Variants in ERICH1 observed in about 807,000 individuals in gnomAD.
ERICH1 encodes the protein glutamate-rich protein 1.
In ERICH1, 56 loss-of-function variants were observed where a neutral mutation model predicts 39.6. The observed-to-expected ratio is 1.41, with a 90% CI of 1.14 to 1.77. The LOEUF is 1.77. Ranked by LOEUF, ERICH1 falls within the 40% of genes most tolerant of loss-of-function variation. The probability of loss-of-function intolerance (pLI) is 0.00; values close to 1 mark genes in which losing one functional copy is unlikely to be tolerated. For synonymous variants in ERICH1, 313 were observed against 223.6 expected (o/e 1.40, Z -3.57); for missense variants, 826 against 575.4 (o/e 1.44, Z -4.45).
intron 1 of ERICH1, among the ~76,000 whole-genome samples, chr8:727,295 A>G (rs1818993337): frequency 6.6e-6 from 1 of 152,140 alleles, no homozygotes; most frequent in Admixed American, 6.5e-5. Context: ...ACACACAGAC[A>G]TCTCTCCCGG....
chr8:634,845 A>G (rs1207142846), intron 3 of ERICH1, among the ~76,000 whole-genome samples: 3 of 152,120 alleles, frequency 2.0e-5, no homozygotes, highest in Admixed American at 1.3e-4. Flanking sequence ...TTTGTCTCTT[A>G]AGAGTTTTGC....
chr8:625,010 G>A (rs1429137024), intron 3 of ERICH1, among the ~76,000 whole-genome samples: 1 of 152,180 alleles, frequency 6.6e-6, no homozygotes, highest in Non-Finnish European at 1.5e-5. Context: ...ACAGGCGTGA[G>A]CCACTGCACC....
At chr8:715,837 A>C (rs974558363) in intron 2 of ERICH1, 24 bp downstream of exon 2, 1 of 1,596,702 alleles carries the variant, frequency 6.3e-7, no homozygotes, top group Admixed American at 1.8e-5. Context: ...TCTGAGACCC[A>C]CCCACATCTG....
chr8:713,326 C>T (rs1359058895), intron 2 of ERICH1, among the ~76,000 whole-genome samples: 2 of 152,354 alleles, frequency 1.3e-5, no homozygotes, highest in Middle Eastern at 3.4e-3. Context: ...TAAGTATATT[C>T]TTTAAATGGC....
chr8:659,974 C>G (rs1801172788), downstream of ERICH1, among the ~76,000 whole-genome samples: 1 of 152,220 alleles, frequency 6.6e-6, no homozygotes, highest in Non-Finnish European at 1.5e-5. Flanking sequence ...CAATCCCTTA[C>G]AAGGATCCTG....
rs1391561636 is a variant in ERICH1 at position 671,500 on chromosome 8, T to C, written c.1063+1789A>G. 3.5e-3 allele frequency among the ~76,000 whole-genome samples: 484 copies of C among 140,026 alleles called. 5 individuals are homozygous for C. Among genetic ancestry groups the C allele is most frequent in the Non-Finnish European group, 6.0e-3 (386 of 64,704 alleles). 91.9% of individuals were successfully genotyped at this position (140,026 alleles called of 152,430 possible). ...CTGAACGTGCCAGCCCCGGTTCTAATGTCTGTGCTCACTGGGCTCCAGGCT... is the reference window on the plus strand; with the variant it reads ...CTGAACGTGCCAGCCCCGGTTCTAACGTCTGTGCTCACTGGGCTCCAGGCT... On this transcript the variant is annotated intron_variant, in intron 4 of 5. Transcript: ENST00000262109.
chr8:709,438 A>T (rs1175969315), intron 2 of ERICH1, among the ~76,000 whole-genome samples: 2 of 152,162 alleles, frequency 1.3e-5, no homozygotes, highest in Non-Finnish European at 2.9e-5. Flanking sequence ...CTGATTCTGT[A>T]TTGGCACCTC....
chr8:696,971 C>T (rs923443032), intron 2 of ERICH1, among the ~76,000 whole-genome samples: 1 of 151,586 alleles, frequency 6.6e-6, no homozygotes, highest in South Asian at 2.1e-4. Flanking sequence ...CAGCCTGCAC[C>T]TGTGCTTGCT....
At chr8:699,257 C>T (rs890666913) in intron 2 of ERICH1, among the ~76,000 whole-genome samples, 11 of 152,142 alleles carry the variant, frequency 7.2e-5, no homozygotes, top group African/African-American at 2.7e-4. Flanking sequence ...GTATTTCCCA[C>T]CTGCATGGAT....
chr8:682,388 G>A (rs549190131), intron 3 of ERICH1, among the ~76,000 whole-genome samples: 1 of 152,244 alleles, frequency 6.6e-6, no homozygotes, highest in Admixed American at 6.5e-5. Context: ...GAGGCCCTGA[G>A]CATGTGCTCT....
intron 3 of ERICH1, among the ~76,000 whole-genome samples, chr8:677,050 GCCTCAAGCACACCGC>G (rs1485558649): frequency 6.6e-6 from 1 of 152,212 alleles, no homozygotes; most frequent in Non-Finnish European, 1.5e-5. Flanking sequence ...TGTCTCAACA[GCCTCAAGCACACCGC>G]CCTCAAAGCC....
At chr8:720,245 C>T (rs930370368) in intron 1 of ERICH1, among the ~76,000 whole-genome samples, 1 of 152,138 alleles carries the variant, frequency 6.6e-6, no homozygotes, top group Non-Finnish European at 1.5e-5. Context: ...GGCAGGACGC[C>T]GAGGTGCCCA....
At chr8:728,906 G>T (rs185617312) in intron 1 of ERICH1, among the ~76,000 whole-genome samples, 1 of 150,176 alleles carries the variant, frequency 6.7e-6, no homozygotes, top group Non-Finnish European at 1.5e-5. Flanking sequence ...TTGCCTAGCA[G>T]AAACAATCTA....
chr8:616,458 A>C, intron 3 of ERICH1: 1 of 452,010 alleles, frequency 2.2e-6, no homozygotes, highest in South Asian at 1.6e-5. Flanking sequence ...AAGCGGATTC[A>C]GCGCTGGCCA....
intron 3 of ERICH1, among the ~76,000 whole-genome samples, chr8:631,822 T>A (rs1238350311): frequency 1.3e-5 from 2 of 151,694 alleles, no homozygotes; most frequent in Non-Finnish European, 2.9e-5. Context: ...CCTGGTGGGG[T>A]GATGTGAAGG....
chr8:641,902 C>T (rs932169287), intron 3 of ERICH1, among the ~76,000 whole-genome samples: 7 of 152,228 alleles, frequency 4.6e-5, no homozygotes, highest in South Asian at 2.1e-4. Flanking sequence ...GACCCCATCT[C>T]GTCCTCCAGT....
intron 3 of ERICH1, among the ~76,000 whole-genome samples, chr8:685,228 T>A (rs968513770): frequency 2.6e-5 from 4 of 152,130 alleles, no homozygotes; most frequent in Non-Finnish European, 4.4e-5. Context: ...ACTGGGGAAA[T>A]AATTCAGCGA....
intron 2 of ERICH1, among the ~76,000 whole-genome samples, chr8:709,963 A>C (rs1374399203): frequency 6.6e-6 from 1 of 152,204 alleles, no homozygotes; most frequent in East Asian, 1.9e-4. Flanking sequence ...CCTTAAAAAT[A>C]CAATTTTAAA....
chr8:655,567 C>T (rs771114015), intron 3 of ERICH1, among the ~76,000 whole-genome samples: 4 of 152,192 alleles, frequency 2.6e-5, no homozygotes, highest in Non-Finnish European at 4.4e-5. Flanking sequence ...GTGGATCACG[C>T]AGCAACCTTC....
Sources: gnomAD v4.1 joint callset for allele counts (sites outside exome capture counted in the v4.1 genomes callset) on GRCh38, gnomAD v4.1.1 for gene constraint, MANE v1.5 for transcripts, NCBI Gene and HGNC (gene_info 2026-07-23, HGNC 2026-07-21) for gene names.